The following FRMPD1 variants were observed in gnomAD, a reference collection of about 807,000 sequenced individuals.
FRMPD1 encodes FERM and PDZ domain containing 1.
FRMPD1 carries 76 observed loss-of-function variants against 117.8 expected under a neutral mutation model. That is an observed-to-expected ratio of 0.65 (90% CI 0.54 to 0.78). The LOEUF (loss-of-function observed/expected upper bound fraction) is 0.78, where lower values mean the gene tolerates loss of function less well. Among genes scored for constraint, FRMPD1 ranks in the 30% least tolerant of loss-of-function variants. The pLI, the probability that FRMPD1 is intolerant of heterozygous loss-of-function variation, is 0.00. For missense variants in FRMPD1, 1,786 were observed against 1,964.5 expected, an observed-to-expected ratio of 0.91 and a Z score of 1.72; for synonymous variants, 783 against 770.4, an observed-to-expected ratio of 1.02 and a Z score of -0.27.
the FRMPD1 span, among the ~76,000 whole-genome samples, chr9:37,617,642 G>A: frequency 3.3e-5 from 5 of 152,202 alleles, no homozygotes; most frequent in African/African-American, 1.2e-4. Context: ...GGGAGACACT[G>A]TGTCCTCATT....
chr9:37,622,301 T>C, the FRMPD1 span, among the ~76,000 whole-genome samples: 5 of 152,224 alleles, frequency 3.3e-5, no homozygotes, highest in South Asian at 2.1e-4. Flanking sequence ...AGCATTGTTA[T>C]CGTTTTGCTT....
chr9:37,631,241 A>T, the FRMPD1 span, among the ~76,000 whole-genome samples: 11 of 152,358 alleles, frequency 7.2e-5, no homozygotes, highest in South Asian at 2.1e-3. Context: ...AAACTAAAAA[A>T]TAATAAAAAA....
At chr9:37,734,837 T>C (rs1824049418) in intron 12 of FRMPD1, among the ~76,000 whole-genome samples, 1 of 152,106 alleles carries the variant, frequency 6.6e-6, no homozygotes, top group Non-Finnish European at 1.5e-5. Flanking sequence ...AGGAAAGTTT[T>C]GAAGGTACAA....
At chr9:37,613,155 C>T in the FRMPD1 span, among the ~76,000 whole-genome samples, 1 of 152,124 alleles carries the variant, frequency 6.6e-6, no homozygotes, top group Non-Finnish European at 1.5e-5. Flanking sequence ...GCTAGAGGAG[C>T]CCAAATGTGA....
chr9:37,695,635 T>C (rs1030214882), intron 2 of FRMPD1, among the ~76,000 whole-genome samples: 1 of 152,044 alleles, frequency 6.6e-6, no homozygotes, highest in African/African-American at 2.4e-5. Context: ...GAGGGGTAAA[T>C]AATTTCGTTT....
chr9:37,616,117 C>CTTTT, the FRMPD1 span, among the ~76,000 whole-genome samples: 11 of 96,764 alleles, frequency 1.1e-4, no homozygotes, highest in African/African-American at 2.0e-4. Flanking sequence ...GTGCCCAGCC[C>CTTTT]TTTTTTTTTT....
the FRMPD1 span, among the ~76,000 whole-genome samples, chr9:37,634,240 T>C: frequency 6.6e-6 from 1 of 152,244 alleles, no homozygotes; most frequent in Non-Finnish European, 1.5e-5. Context: ...TTGTTGTTGT[T>C]GTTCAGTTGA....
At chr9:37,731,795 C>A (rs1401565367) in intron 9 of FRMPD1, among the ~76,000 whole-genome samples, 1 of 151,922 alleles carries the variant, frequency 6.6e-6, no homozygotes, top group African/African-American at 2.4e-5. Flanking sequence ...ATCACTTGAA[C>A]CTTGGAGGTG....
chr9:37,739,996 G>A, intron 14 of FRMPD1, 82 bp from the exon 15 acceptor site: 1 of 1,050,762 alleles, frequency 9.5e-7, no homozygotes, highest in Non-Finnish European at 1.4e-6. Context: ...GTCTGGCAGG[G>A]TTGGGTGGGG....
At chr9:37,653,428 TG>T in intron 1 of FRMPD1, among the ~76,000 whole-genome samples, 1 of 152,204 alleles carries the variant, frequency 6.6e-6, no homozygotes, top group Non-Finnish European at 1.5e-5. Flanking sequence ...AGAGTTCTTG[TG>T]ACAATGTGAT....
intron 5 of FRMPD1, among the ~76,000 whole-genome samples, chr9:37,714,205 G>A (rs1823017738): frequency 6.6e-6 from 1 of 152,234 alleles, no homozygotes; most frequent in African/African-American, 2.4e-5. Flanking sequence ...AAATGGTAGT[G>A]AAGGTGTTAG....
the FRMPD1 span, among the ~76,000 whole-genome samples, chr9:37,609,557 T>C: frequency 4.6e-5 from 7 of 152,190 alleles, no homozygotes; most frequent in African/African-American, 1.7e-4. Flanking sequence ...AGAGTACTTC[T>C]CACTCCTCCA....
the FRMPD1 span, among the ~76,000 whole-genome samples, chr9:37,604,543 T>G: frequency 1.3e-5 from 2 of 152,230 alleles, no homozygotes; most frequent in South Asian, 2.1e-4. Context: ...TCAGAGCAAC[T>G]CCTTCCAAAT....
At chr9:37,632,890 C>T in the FRMPD1 span, among the ~76,000 whole-genome samples, 4 of 148,874 alleles carry the variant, frequency 2.7e-5, no homozygotes, top group Non-Finnish European at 5.9e-5. Flanking sequence ...CCACAAATTT[C>T]CTGAAGATAA....
chr9:37,685,578 T>TGG (rs1563930950), intron 1 of FRMPD1, among the ~76,000 whole-genome samples: 2 of 151,838 alleles, frequency 1.3e-5, no homozygotes, highest in Non-Finnish European at 2.9e-5. Context: ...CGTGAACCCA[T>TGG]GAGGCGGAGA....
At chr9:37,695,006 AATAG>A (rs74171518) in intron 2 of FRMPD1, among the ~76,000 whole-genome samples, 29,789 of 150,792 alleles carry the variant, frequency 0.2, 3,208 homozygotes, top group South Asian at 0.35. Context: ...GCCAAATAAG[AATAG>A]ATAGATAGAT....
intron 1 of FRMPD1, among the ~76,000 whole-genome samples, chr9:37,674,425 G>A (rs571227617): frequency 8.5e-5 from 13 of 152,136 alleles, no homozygotes; most frequent in African/African-American, 1.7e-4. Flanking sequence ...AGGAGGTTCC[G>A]AACTTTCCCA....
the FRMPD1 span, among the ~76,000 whole-genome samples, chr9:37,641,836 T>C: frequency 0.15 from 22,547 of 152,196 alleles, 1,783 homozygotes; most frequent in African/African-American, 0.2. Flanking sequence ...TACTTTCATT[T>C]AGATTTACTC....
At chr9:37,723,979 A>T (rs1198635468) in intron 6 of FRMPD1, among the ~76,000 whole-genome samples, 1 of 152,014 alleles carries the variant, frequency 6.6e-6, no homozygotes, top group Non-Finnish European at 1.5e-5. Flanking sequence ...AGCCTGGGTG[A>T]CAGAGTGAGA....
Sources: allele counts gnomAD v4.1 joint callset (sites outside exome capture counted in the v4.1 genomes callset), GRCh38; gene constraint gnomAD v4.1.1; transcripts MANE v1.5; gene names NCBI Gene and HGNC (gene_info 2026-07-23, HGNC 2026-07-21).